Variants in DPP10 observed in about 807,000 individuals in gnomAD.
DPP10 encodes the protein inactive dipeptidyl peptidase 10.
DPP10 carries 33 observed loss-of-function variants against 120.9 expected under a neutral mutation model. The ratio of observed to expected loss-of-function variants is 0.27; its 90% CI spans 0.21 to 0.37. DPP10 has a LOEUF of 0.37. Ranked by LOEUF, DPP10 falls within the 10% of genes least tolerant of loss-of-function variation. The pLI is 1.00. For synonymous variants in DPP10, 337 were observed against 326.1 expected, an observed-to-expected ratio of 1.03 and a Z score of -0.36; for missense variants, 816 against 942.8, an observed-to-expected ratio of 0.87 and a Z score of 1.76.
At chr2:114,500,877 G>A (rs1683099069) in intron 1 of DPP10, among the ~76,000 whole-genome samples, 1 of 152,164 alleles carries the variant, frequency 6.6e-6, no homozygotes, top group Admixed American at 6.5e-5. Flanking sequence ...GGTTCTCCAT[G>A]GGAGACTGTC....
rs1310599462 is a variant in DPP10, at chr2:115,312,861, CTG to C, written c.175+3511_175+3512del. ...CTATGTCAGGAGGGGAAGCTTCTGA[CTG>C]TGGAAATTCAGCAAGACACTGGGCC... On this transcript the variant is annotated intron_variant, in intron 2 of 25. Transcript: ENST00000410059. Among the ~76,000 whole-genome samples, 6 of 152,264 alleles carry C rather than the reference CTG, an allele frequency of 3.9e-5. 1 individual carries two copies. Among genetic ancestry groups the C allele is most frequent in the Admixed American group, 1.3e-4 (2 of 15,280 alleles).
intron 3 of DPP10, among the ~76,000 whole-genome samples, chr2:115,479,913 G>A (rs1488553528): frequency 1.3e-5 from 2 of 152,128 alleles, no homozygotes; most frequent in South Asian, 4.1e-4. Flanking sequence ...GCACCTTGCA[G>A]GGGAGACATG....
chr2:115,492,830 A>G (rs967229647), intron 3 of DPP10, among the ~76,000 whole-genome samples: 1 of 152,144 alleles, frequency 6.6e-6, no homozygotes, highest in Non-Finnish European at 1.5e-5. Flanking sequence ...AAAAAGATCG[A>G]AAGGAATTAC....
At chr2:114,490,049 C>T (rs1310514918) in intron 1 of DPP10, among the ~76,000 whole-genome samples, 2 of 152,198 alleles carry the variant, frequency 1.3e-5, no homozygotes, top group African/African-American at 4.8e-5. Flanking sequence ...ACCAGTATGA[C>T]TTCTCCACCA....
At chr2:115,824,786 T>C (rs1487911518) in intron 21 of DPP10, among the ~76,000 whole-genome samples, 1 of 152,208 alleles carries the variant, frequency 6.6e-6, no homozygotes, top group Non-Finnish European at 1.5e-5. Flanking sequence ...TTTAACTATG[T>C]AAAGTGATTA....
intron 1 of DPP10, among the ~76,000 whole-genome samples, chr2:115,254,702 A>G (rs1401576265): frequency 1.3e-5 from 2 of 152,136 alleles, no homozygotes; most frequent in Non-Finnish European, 2.9e-5. Context: ...CAGATGGGGG[A>G]AATTGGCCAA....
At chr2:115,688,034 A>AAGAGAGAGAGAGAG (rs70941088) in intron 5 of DPP10, among the ~76,000 whole-genome samples, 163 of 150,306 alleles carry the variant, frequency 1.1e-3, no homozygotes, top group Non-Finnish European at 1.2e-3. Context: ...GAGAGAGAAA[A>AAGAGAGAGAGAGAG]AGAGAGAGAG....
chr2:115,324,942 G>A (rs1291044232), intron 2 of DPP10, among the ~76,000 whole-genome samples: 3 of 152,074 alleles, frequency 2.0e-5, no homozygotes, highest in African/African-American at 4.8e-5. Context: ...AGAGACAGGG[G>A]ATCAATTGGT....
chr2:115,411,289 T>G (rs2068937272), intron 3 of DPP10, among the ~76,000 whole-genome samples: 1 of 151,794 alleles, frequency 6.6e-6, no homozygotes, highest in Non-Finnish European at 1.5e-5. Context: ...CCGAGATTGC[T>G]CCACTGCACT....
chr2:115,790,252 T>A (rs1335113326), intron 17 of DPP10, among the ~76,000 whole-genome samples: 2 of 151,110 alleles, frequency 1.3e-5, no homozygotes, highest in African/African-American at 2.4e-5. Context: ...GCTAATTTTT[T>A]GTATTTTTAG....
rs77952120 is a variant in DPP10, at chr2:114,451,619, C to T, written c.60+8781C>T. On this transcript the variant is annotated intron_variant, in intron 1 of 25. Coordinates refer to ENST00000410059, the MANE Select transcript of DPP10 (RefSeq NM_020868.6). The stretch of plus-strand genomic sequence containing the variant: ...CATGAAAGTATTTAATAGTTGAGAC[C>T]AACTAGATTACAGAGGGCAAATGAT... Among the ~76,000 whole-genome samples, 18 of 151,996 alleles carry T rather than the reference C, an allele frequency of 1.2e-4. No homozygotes were observed. In the East Asian group the frequency reaches 3.3e-3, roughly 28 times the overall value.
chr2:115,724,061 ATTTTC>A (rs1311775875), intron 7 of DPP10, among the ~76,000 whole-genome samples: 1 of 152,018 alleles, frequency 6.6e-6, no homozygotes, highest in East Asian at 1.9e-4. Context: ...TTGTGTTTTT[ATTTTC>A]TTTTAAGATG....
intron 5 of DPP10, among the ~76,000 whole-genome samples, chr2:115,640,361 C>T (rs922243542): frequency 6.6e-6 from 1 of 151,358 alleles, no homozygotes; most frequent in African/African-American, 2.4e-5. Flanking sequence ...TCCTCCCTCT[C>T]TGTGGACCCA....
At chr2:115,816,627 T>TG (rs1687258871) in intron 21 of DPP10, among the ~76,000 whole-genome samples, 3 of 149,754 alleles carry the variant, frequency 2.0e-5, no homozygotes, top group Non-Finnish European at 4.4e-5. Flanking sequence ...TTGTTTTTTT[T>TG]TTTTTTTTGA....
At chr2:114,715,069 T>C (rs565654526) in intron 1 of DPP10, among the ~76,000 whole-genome samples, 80 of 152,216 alleles carry the variant, frequency 5.3e-4, no homozygotes, top group African/African-American at 1.8e-3. Context: ...CTGAGAACCA[T>C]ATAGAGATTT....
intron 1 of DPP10, among the ~76,000 whole-genome samples, chr2:114,592,018 G>A (rs1465711083): frequency 1.4e-5 from 2 of 147,424 alleles, no homozygotes; most frequent in Admixed American, 1.3e-4. Flanking sequence ...CAATAGTGAT[G>A]CATGCAGACA....
chr2:115,836,142 A>T lies in DPP10; in HGVS notation c.1951-15A>T, dbSNP rs376004576. On this transcript the variant is annotated splice_polypyrimidine_tract_variant and intron_variant, in intron 21 of 25. Coordinates refer to ENST00000410059, the MANE Select transcript of DPP10 (RefSeq NM_020868.6). ...GAGATATATATATATATATATATATATTTTTCCCCCCCAGGGTTATGGTGG... is the reference window on the plus strand; with the variant it reads ...GAGATATATATATATATATATATATTTTTTTCCCCCCCAGGGTTATGGTGG... The T allele has an allele frequency of 9.1e-5, 114 of 1,255,218 alleles. No homozygotes were observed. Among genetic ancestry groups the T allele is most frequent in the East Asian group, 5.7e-4 (22 of 38,632 alleles). 77.8% of individuals were successfully genotyped at this position (1,255,218 alleles called of 1,614,324 possible). A position where few individuals can be genotyped will look rare whatever the true frequency, so the allele number is the denominator to read the frequency against.
intron 5 of DPP10, among the ~76,000 whole-genome samples, chr2:115,539,762 C>A (rs1047081030): frequency 2.6e-5 from 4 of 151,052 alleles, no homozygotes. Flanking sequence ...TATGGAATAA[C>A]TTTTCAGAGA....
chr2:114,655,608 T>C (rs759644677), intron 1 of DPP10, among the ~76,000 whole-genome samples: 5 of 152,182 alleles, frequency 3.3e-5, no homozygotes, highest in African/African-American at 1.2e-4. Context: ...GTTTATTTTC[T>C]ATGTATTTTT....
Sources: allele counts gnomAD v4.1 joint callset (sites outside exome capture counted in the v4.1 genomes callset), GRCh38; gene constraint gnomAD v4.1.1; transcripts MANE v1.5; gene names NCBI Gene and HGNC (gene_info 2026-07-23, HGNC 2026-07-21).